The following KCNT2 variants were observed in gnomAD, a reference collection of about 807,000 sequenced individuals.
KCNT2 encodes potassium channel subfamily T member 2.
In KCNT2, 67 loss-of-function variants were observed where a neutral mutation model predicts 153.8. The observed-to-expected ratio is 0.44, with a 90% CI of 0.36 to 0.53. KCNT2 has a LOEUF of 0.53. Among genes scored for constraint, KCNT2 ranks in the 20% least tolerant of loss-of-function variants. The pLI, the probability that KCNT2 is intolerant of heterozygous loss-of-function variation, is 0.00. For synonymous variants in KCNT2, 500 were observed against 458.8 expected, an observed-to-expected ratio of 1.09 and a Z score of -1.15; for missense variants, 975 against 1,354.8, an observed-to-expected ratio of 0.72 and a Z score of 4.40.
intron 22 of KCNT2, among the ~76,000 whole-genome samples, chr1:196,294,636 A>AC (rs566590721): frequency 7.7e-4 from 117 of 152,280 alleles, no homozygotes; most frequent in Admixed American, 2.7e-3. Context: ...GGCATGCAAT[A>AC]AGTAATCTCA....
intron 1 of KCNT2, among the ~76,000 whole-genome samples, chr1:196,590,239 G>C (rs923318328): frequency 6.6e-6 from 1 of 152,116 alleles, no homozygotes; most frequent in Non-Finnish European, 1.5e-5. Context: ...ACTTTTGACC[G>C]AGTATAGCTG....
At chr1:196,257,458 T>C in intron 26 of KCNT2, 1 of 976,622 alleles carries the variant, frequency 1.0e-6, no homozygotes, top group Non-Finnish European at 1.2e-6. Context: ...TGGTTTACCA[T>C]GTTACATATT....
chr1:196,558,067 A>T (rs560344130), intron 1 of KCNT2, among the ~76,000 whole-genome samples: 1 of 151,418 alleles, frequency 6.6e-6, no homozygotes, highest in Non-Finnish European at 1.5e-5. Flanking sequence ...GCCAAAGTGG[A>T]TGAGGTACAC....
chr1:196,355,719 C>T (rs561611835), intron 14 of KCNT2, among the ~76,000 whole-genome samples: 14 of 151,838 alleles, frequency 9.2e-5, no homozygotes, highest in Admixed American at 3.3e-4. Context: ...TAAGACTTTT[C>T]ATCTACTTTT....
chr1:196,407,845 A>G (rs1671959166), intron 12 of KCNT2, among the ~76,000 whole-genome samples: 1 of 138,184 alleles, frequency 7.2e-6, no homozygotes, highest in African/African-American at 2.5e-5. Context: ...GGGAATAAAA[A>G]CAATTTTTTT....
At chr1:196,240,814 C>T (rs1438583075) in intron 26 of KCNT2, among the ~76,000 whole-genome samples, 2 of 151,906 alleles carry the variant, frequency 1.3e-5, no homozygotes, top group Admixed American at 6.6e-5. Context: ...TTGTAAGGAT[C>T]GAGGGGAAGG....
chr1:196,344,047 T>C (rs1665920197), intron 14 of KCNT2, among the ~76,000 whole-genome samples: 1 of 152,224 alleles, frequency 6.6e-6, no homozygotes, highest in African/African-American at 2.4e-5. Context: ...CCCAAAGTGC[T>C]GGGATTATAG....
intron 22 of KCNT2, among the ~76,000 whole-genome samples, chr1:196,293,139 A>G (rs1211777026): frequency 6.6e-6 from 1 of 152,152 alleles, no homozygotes. Context: ...AATAAATCTA[A>G]AGCGTTATTG....
intron 1 of KCNT2, among the ~76,000 whole-genome samples, chr1:196,575,809 C>A (rs1013214540): frequency 6.6e-6 from 1 of 151,278 alleles, no homozygotes; most frequent in Non-Finnish European, 1.5e-5. Flanking sequence ...GAAACCCGGT[C>A]TCTACTAAAA....
intron 1 of KCNT2, among the ~76,000 whole-genome samples, chr1:196,555,023 A>G (rs1440615769): frequency 6.6e-6 from 1 of 151,256 alleles, no homozygotes; most frequent in Non-Finnish European, 1.5e-5. Context: ...AGACTCACAG[A>G]TAGTATCATA....
At chr1:196,596,087 T>C (rs1664050339) in intron 1 of KCNT2, among the ~76,000 whole-genome samples, 1 of 141,922 alleles carries the variant, frequency 7.0e-6, no homozygotes, top group African/African-American at 3.1e-5. Context: ...TATATATATA[T>C]ATATATATAT....
intron 8 of KCNT2, among the ~76,000 whole-genome samples, chr1:196,454,741 C>G (rs1050755151): frequency 6.6e-6 from 1 of 151,912 alleles, no homozygotes; most frequent in Non-Finnish European, 1.5e-5. Context: ...AAAATTACCA[C>G]AAACAGCATT....
intron 1 of KCNT2, among the ~76,000 whole-genome samples, chr1:196,510,810 T>G (rs996521872): frequency 1.9e-4 from 29 of 152,170 alleles, no homozygotes; most frequent in Admixed American, 1.7e-3. Context: ...CAGGACAGCC[T>G]ACAACACAAA....
chr1:196,477,410 A>C (rs1241944768), intron 5 of KCNT2, among the ~76,000 whole-genome samples: 5 of 152,034 alleles, frequency 3.3e-5, no homozygotes, highest in Admixed American at 2.0e-4. Context: ...ACATGGCAAA[A>C]TCCTGTCTCT....
chr1:196,331,200 G>A lies in KCNT2; in HGVS notation c.2059C>T (p.Leu687Phe). 1 of 1,609,912 alleles carries A rather than the reference G, an allele frequency of 6.2e-7. No homozygotes were observed. Among genetic ancestry groups the A allele is most frequent in the Non-Finnish European group, 8.5e-7 (1 of 1,176,564 alleles). Residue 687 changes from leucine (L) to phenylalanine (F), a missense_variant, in exon 18 of 28, where the codon CTC (leucine) becomes TTC (phenylalanine). Physicochemically the swap from Leu to Phe is conservative, Grantham distance 22. Around this residue, in one of 6 missense-constraint regions of KCNT2, gnomAD observed 325 missense variants for 388.1 expected, o/e 0.84. Transcript: ENST00000294725. ...CAAAATGGTACTTTTTCATGAAGGA[G>A]ATGACAAAAAGTGGGTGAACTTCCT... ...YIGSSPTFCH[L>F]LHEKVPFCCL...
intron 26 of KCNT2, among the ~76,000 whole-genome samples, chr1:196,255,689 A>G (rs2147769451): frequency 6.6e-6 from 1 of 152,026 alleles, no homozygotes; most frequent in Middle Eastern, 3.4e-3. Flanking sequence ...GGTAGTTTGG[A>G]TCAGTTTCCA....
rs543938394 is a variant in KCNT2 at position 196,425,939 on chromosome 1, C to T, written c.1034G>A (p.Arg345Gln). ...LCPTEMDVQV[R>Q]RVLQIPMWSQ... ...CCACATTGGAATCTGCAGTACCCTT[C>T]GAACCTGTACATCCATTTCAGTAGG... The change falls in exon 11 of 28, where the codon CGA (arginine) becomes CAA (glutamine). Residue 345 changes from arginine (R) to glutamine (Q), a missense_variant. By Grantham distance (43) the Arg-to-Gln change is conservative. Coordinates refer to ENST00000294725, the MANE Select transcript of KCNT2 (RefSeq NM_198503.5). 1.2e-6 allele frequency: 2 copies of T among 1,612,070 alleles called. No homozygotes were observed. Among genetic ancestry groups the T allele is most frequent in the Admixed American group, 1.7e-5 (1 of 59,854 alleles).
At chr1:196,482,687 G>A (rs894904903) in intron 3 of KCNT2, among the ~76,000 whole-genome samples, 7 of 152,082 alleles carry the variant, frequency 4.6e-5, no homozygotes, top group African/African-American at 1.7e-4. Flanking sequence ...ACACCGAAAA[G>A]TCATTTAATA....
At chr1:196,544,830 T>C (rs1489773850) in intron 1 of KCNT2, among the ~76,000 whole-genome samples, 128 of 152,254 alleles carry the variant, frequency 8.4e-4, no homozygotes. Flanking sequence ...TTGTTATACA[T>C]GATCACATTT....
Sources: gnomAD v4.1 joint callset for allele counts (sites outside exome capture counted in the v4.1 genomes callset) on GRCh38, gnomAD v4.1.1 for gene constraint, gnomAD v4.1.1 regional missense constraint, MANE v1.5 for transcripts, NCBI Gene and HGNC (gene_info 2026-07-23, HGNC 2026-07-21) for gene names.